Variants in PARVA observed in about 807,000 individuals in gnomAD.
PARVA encodes parvin alpha.
In PARVA, 25 loss-of-function variants were observed where a neutral mutation model predicts 52.6. The ratio of observed to expected loss-of-function variants is 0.48; its 90% confidence interval spans 0.35 to 0.66. PARVA has a LOEUF of 0.66. Among genes scored for constraint, PARVA ranks in the 30% least tolerant of loss-of-function variants. The pLI is 0.01. For synonymous variants in PARVA, 185 were observed against 179.1 expected, an observed-to-expected ratio of 1.03 and a Z score of -0.26; for missense variants, 373 against 450.9, an observed-to-expected ratio of 0.83 and a Z score of 1.56.
At chr11:12,456,918 A>G (rs1175445030) in intron 1 of PARVA, among the ~76,000 whole-genome samples, 1 of 152,196 alleles carries the variant, frequency 6.6e-6, no homozygotes, top group Admixed American at 6.5e-5. Context: ...GCACATTTAA[A>G]TGAATGAGTC....
At chr11:12,415,912 G>T (rs1361903821) in intron 1 of PARVA, among the ~76,000 whole-genome samples, 1 of 152,198 alleles carries the variant, frequency 6.6e-6, no homozygotes, top group Non-Finnish European at 1.5e-5. Flanking sequence ...TAGCCCCCTG[G>T]ATCTTGGTGA....
intron 1 of PARVA, among the ~76,000 whole-genome samples, chr11:12,469,255 TCA>T (rs1940897823): frequency 6.6e-6 from 1 of 152,172 alleles, no homozygotes; most frequent in Non-Finnish European, 1.5e-5. Flanking sequence ...TCATGTGGCC[TCA>T]GAGTCAGACC....
chr11:12,533,659 A>G lies in PARVA; in HGVS notation c.*5734A>G, dbSNP rs981935893. Among the ~76,000 whole-genome samples, 1 of 152,224 alleles carries G rather than the reference A, an allele frequency of 6.6e-6. No homozygotes were observed. The highest frequency in any genetic ancestry group is 1.5e-5 in the Non-Finnish European group (1 of 68,040). On this transcript the variant is annotated 3_prime_UTR_variant, in exon 13 of 13. Coordinates refer to ENST00000334956, the MANE Select transcript of PARVA (RefSeq NM_018222.5). ...TCAATTAACACATAGCTAGTATGTT[A>G]TGTGCATTATATACTATATCCTTAC...
chr11:12,389,461 C>T (rs1254070245), intron 1 of PARVA, among the ~76,000 whole-genome samples: 3 of 152,194 alleles, frequency 2.0e-5, no homozygotes, highest in Non-Finnish European at 4.4e-5. Context: ...TTTCTCCCCA[C>T]CTCCCAGCTT....
chr11:12,377,827 G>A (rs1258964272), intron 1 of PARVA, 44 bp downstream of exon 1: 5 of 1,433,070 alleles, frequency 3.5e-6, no homozygotes, highest in South Asian at 2.8e-5. Flanking sequence ...GGAGCCGGGG[G>A]TGCCGTAGGG....
At chr11:12,405,181 A>G (rs1939885669) in intron 1 of PARVA, among the ~76,000 whole-genome samples, 1 of 152,172 alleles carries the variant, frequency 6.6e-6, no homozygotes, top group East Asian at 1.9e-4. Context: ...AAGAACAACA[A>G]AAAGGTGGGG....
intron 5 of PARVA, among the ~76,000 whole-genome samples, chr11:12,497,277 T>C (rs1941310287): frequency 6.6e-6 from 1 of 152,162 alleles, no homozygotes; most frequent in African/African-American, 2.4e-5. Context: ...AATCTAGCAG[T>C]AGCAACTGGA....
intron 1 of PARVA, among the ~76,000 whole-genome samples, chr11:12,470,014 G>C (rs988711463): frequency 6.6e-6 from 1 of 152,166 alleles, no homozygotes; most frequent in African/African-American, 2.4e-5. Context: ...AACAAGTCTT[G>C]GGACAGGTGT....
intron 4 of PARVA, among the ~76,000 whole-genome samples, chr11:12,494,792 G>A (rs537797917): frequency 6.6e-6 from 1 of 152,234 alleles, no homozygotes; most frequent in African/African-American, 2.4e-5. Context: ...ATGCAACACA[G>A]CAGAGCTAGC....
chr11:12,423,444 G>A (rs1315693976), intron 1 of PARVA, among the ~76,000 whole-genome samples: 4 of 150,886 alleles, frequency 2.7e-5, no homozygotes, highest in African/African-American at 9.8e-5. Context: ...GCCTTCCTTG[G>A]CCTTCCAAAG....
At chr11:12,482,197 A>G (rs1941097764) in intron 4 of PARVA, among the ~76,000 whole-genome samples, 1 of 151,662 alleles carries the variant, frequency 6.6e-6, no homozygotes, top group African/African-American at 2.4e-5. Flanking sequence ...AAGGACATGG[A>G]ATCCAGGAAG....
chr11:12,387,046 G>T (rs1487388105), intron 1 of PARVA, among the ~76,000 whole-genome samples: 1 of 152,242 alleles, frequency 6.6e-6, no homozygotes, highest in Non-Finnish European at 1.5e-5. Flanking sequence ...CCAGCCATGA[G>T]TCCAGGAGAA....
At chr11:12,513,822 C>A (rs1941533689) in intron 9 of PARVA, 175 bp from the exon 10 acceptor site, 2 of 620,678 alleles carry the variant, frequency 3.2e-6, no homozygotes, top group Admixed American at 5.4e-5. Context: ...AGCCTGTGGC[C>A]CTCCCTGTGC....
intron 1 of PARVA, among the ~76,000 whole-genome samples, chr11:12,438,436 T>C (rs1410063951): frequency 2.0e-5 from 3 of 151,992 alleles, no homozygotes; most frequent in Non-Finnish European, 4.4e-5. Flanking sequence ...ACTCATCCTT[T>C]TTATCAGGAG....
intron 1 of PARVA, among the ~76,000 whole-genome samples, chr11:12,383,116 C>T (rs1939517185): frequency 6.6e-6 from 1 of 152,154 alleles, no homozygotes; most frequent in African/African-American, 2.4e-5. Context: ...CATTTCAGCA[C>T]TTTATCTGGG....
chr11:12,466,296 T>C (rs1367663884), intron 1 of PARVA, among the ~76,000 whole-genome samples: 5 of 147,994 alleles, frequency 3.4e-5, no homozygotes, highest in Non-Finnish European at 7.4e-5. Flanking sequence ...AGTAGAAATA[T>C]TTATTTATTT....
chr11:12,382,377 T>TTTTC (rs1555028427), intron 1 of PARVA, among the ~76,000 whole-genome samples: 2 of 135,828 alleles, frequency 1.5e-5, no homozygotes, highest in East Asian at 4.1e-4. Flanking sequence ...ATGAGTAACT[T>TTTTC]TTTCTTTTTT....
At chr11:12,519,003 A>AT (rs1307273647) in intron 12 of PARVA, among the ~76,000 whole-genome samples, 1 of 152,208 alleles carries the variant, frequency 6.6e-6, no homozygotes, top group Non-Finnish European at 1.5e-5. Context: ...CTGAGGGGAA[A>AT]TGCAGAAGGG....
At chr11:12,453,072 G>C in intron 1 of PARVA, 1 of 454,962 alleles carries the variant, frequency 2.2e-6, no homozygotes, top group South Asian at 1.6e-5. Context: ...GCTGTGGTGG[G>C]AGCGATTCTT....
Sources: allele counts gnomAD v4.1 joint callset (sites outside exome capture counted in the v4.1 genomes callset), GRCh38; gene constraint gnomAD v4.1.1; transcripts MANE v1.5; gene names NCBI Gene and HGNC (gene_info 2026-07-23, HGNC 2026-07-21).